Variants in NUP188 observed in about 807,000 individuals in gnomAD.
NUP188 encodes the protein nucleoporin 188.
NUP188 carries 97 observed loss-of-function variants against 223.0 expected under a neutral mutation model. That is an observed-to-expected ratio of 0.43 (90% CI 0.37 to 0.51). The LOEUF (loss-of-function observed/expected upper bound fraction) is 0.51. Among genes scored for constraint, NUP188 ranks in the 20% least tolerant of loss-of-function variants. The probability of loss-of-function intolerance (pLI) is 0.00; values close to 1 mark genes in which losing one functional copy is unlikely to be tolerated. For missense variants in NUP188, 1,947 were observed against 2,175.6 expected, an observed-to-expected ratio of 0.89 and a Z score of 2.09; for synonymous variants, 869 against 828.0, an observed-to-expected ratio of 1.05 and a Z score of -0.85.
rs368866832 is a variant in NUP188, at chr9:128,999,325, G to A, written c.3661+8G>A. 2.9e-5 allele frequency: 47 copies of A among 1,613,122 alleles called. No individual in the cohort carries two copies. Among genetic ancestry groups the A allele is most frequent in the Non-Finnish European group, 3.8e-5 (45 of 1,179,212 alleles). ...AAATGAAGGAGATGAAAGGTGAGGG[G>A]CAGAGGCAGGGGGAGCAGCAGCTGC... On this transcript the variant is annotated splice_region_variant and intron_variant, in intron 33 of 43. Transcript: ENST00000372577.
chr9:128,991,559 G>A (rs1013383032), intron 25 of NUP188, among the ~76,000 whole-genome samples: 1 of 150,190 alleles, frequency 6.7e-6, no homozygotes, highest in Non-Finnish European at 1.5e-5. Flanking sequence ...AAGGTATTTA[G>A]GGCTGGGCGT....
rs145517806 is a variant in NUP188 at position 128,966,603 on chromosome 9, G to A, written c.586-1903G>A. ...TCTGACCACCTTGGCCTCCCAAAGTGCTGGGATTACAGGTGTGAAGTACTA... is the reference window on the plus strand; with the variant it reads ...TCTGACCACCTTGGCCTCCCAAAGTACTGGGATTACAGGTGTGAAGTACTA... On this transcript the variant is annotated intron_variant, in intron 8 of 43. Transcript: ENST00000372577. Among the ~76,000 whole-genome samples, 40 of 152,130 alleles carry A rather than the reference G, an allele frequency of 2.6e-4. 3 individuals carry two copies. The East Asian group carries it at 7.7e-3, about 29-fold the overall frequency.
chr9:128,963,886 G>A (rs1468400377), intron 8 of NUP188, among the ~76,000 whole-genome samples: 1 of 151,176 alleles, frequency 6.6e-6, no homozygotes, highest in African/African-American at 2.4e-5. Flanking sequence ...GCACGATCTT[G>A]GCTCACTGCA....
At chr9:128,962,659 CA>C (rs977812657) in intron 8 of NUP188, among the ~76,000 whole-genome samples, 1 of 151,804 alleles carries the variant, frequency 6.6e-6, no homozygotes, top group African/African-American at 2.4e-5. Flanking sequence ...GACTCTGTCT[CA>C]AAAAAAATTC....
intron 14 of NUP188, 140 bp from the exon 15 acceptor site, chr9:128,981,124 G>T (rs1842247752): frequency 4.1e-6 from 4 of 965,634 alleles, no homozygotes; most frequent in East Asian, 2.4e-5. Flanking sequence ...ATTTGGCGAG[G>T]GGCGCAGAAG....
At chr9:128,964,369 T>C in intron 8 of NUP188, 1 of 261,308 alleles carries the variant, frequency 3.8e-6, no homozygotes, top group South Asian at 3.5e-5. Flanking sequence ...TAATTCTTTT[T>C]TTTTTTTTTT....
At chr9:128,966,162 T>TGTGTGTGC (rs1469565407) in intron 8 of NUP188, among the ~76,000 whole-genome samples, 8 of 146,886 alleles carry the variant, frequency 5.4e-5, no homozygotes, top group African/African-American at 2.1e-4. Flanking sequence ...TGTGTGTGTG[T>TGTGTGTGC]GTGTGTGCGT....
chr9:129,004,045 A>T, intron 38 of NUP188: 1 of 173,264 alleles, frequency 5.8e-6, no homozygotes, highest in South Asian at 1.3e-4. Context: ...TGGGAATTCA[A>T]GGCGGGAGGA....
Position 128,995,443 on chromosome 9 carries a change from T to C in NUP188, c.3280T>C (p.Cys1094Arg), listed in dbSNP as rs891801921. The C allele has an allele frequency of 6.2e-7, 1 of 1,613,826 alleles. No individual in the cohort carries two copies. Among genetic ancestry groups the C allele is most frequent in the East Asian group, 2.2e-5 (1 of 44,886 alleles). ...CGTGGCCGAAACAGAAGGCAGCAGC[T>C]GCACCTCCTTGTTAGAGTACCAGAT... ...VHVAETEGSS[C>R]TSLLEYQMLV... The change falls in exon 30 of 44, where the codon TGC becomes CGC. Residue 1094 changes from cysteine (C) to arginine (R), a missense_variant. Cys to Arg is a radical substitution (Grantham distance 180). Around this residue, in one of 3 missense-constraint regions of NUP188, gnomAD observed 905 missense variants for 990.6 expected, o/e 0.91. Transcript: ENST00000372577.
At chr9:128,986,749 C>G in intron 21 of NUP188, 60 bp from the exon 22 acceptor site, 2 of 1,613,014 alleles carry the variant, frequency 1.2e-6, no homozygotes, top group Admixed American at 1.7e-5. Context: ...CTTTCCCTTT[C>G]TTGAGATAAG....
chr9:128,977,006 C>T (rs1313249435), intron 12 of NUP188, among the ~76,000 whole-genome samples: 1 of 151,762 alleles, frequency 6.6e-6, no homozygotes, highest in East Asian at 1.9e-4. Flanking sequence ...CTGGGAGACA[C>T]AGGTTTCAGT....
At chr9:128,999,392 A>T (rs1238715737) in intron 33 of NUP188, 75 bp downstream of exon 33, 3 of 1,544,968 alleles carry the variant, frequency 1.9e-6, no homozygotes, top group Non-Finnish European at 2.6e-6. Flanking sequence ...GGCTTCCTTC[A>T]GCTTAGGGCC....
chr9:128,952,860 G>A lies in NUP188; in HGVS notation c.161+14G>A, dbSNP rs770064725. ...CAAACCTCCCAGGTATGGCAGTTCC[G>A]GGTGTCTGGTTAAAGTAATTGTCCT... is the stretch of plus-strand genomic sequence containing the variant. On this transcript the variant is annotated intron_variant, in intron 3 of 43. Transcript: ENST00000372577. 55 of 1,605,976 alleles carry A rather than the reference G, an allele frequency of 3.4e-5. No homozygotes were observed. Among genetic ancestry groups the A allele is most frequent in the African/African-American group, 8.0e-5 (6 of 74,702 alleles).
chr9:128,998,856 CTTTTTT>C (rs570377284), intron 32 of NUP188, among the ~76,000 whole-genome samples: 3 of 125,810 alleles, frequency 2.4e-5, no homozygotes, highest in Non-Finnish European at 5.0e-5. Context: ...ACCCCGTATT[CTTTTTT>C]TTTTTTTTTT....
At chr9:129,000,084 C>T (rs546471107) in intron 34 of NUP188, among the ~76,000 whole-genome samples, 1 of 152,294 alleles carries the variant, frequency 6.6e-6, no homozygotes, top group East Asian at 1.9e-4. Flanking sequence ...CGGGCAAATG[C>T]AGGATCCGAA....
chr9:128,973,490 C>T (rs571185127), intron 12 of NUP188, among the ~76,000 whole-genome samples: 1 of 152,256 alleles, frequency 6.6e-6, no homozygotes, highest in East Asian at 1.9e-4. Context: ...TCGAGCGATT[C>T]TCCTGTCTCA....
At chr9:128,969,611 C>G in intron 10 of NUP188, 97 bp downstream of exon 10, 1 of 670,628 alleles carries the variant, frequency 1.5e-6, no homozygotes, top group South Asian at 2.1e-5. Context: ...TGTTGTGGAA[C>G]TACATTGTTC....
chr9:129,006,086 G>C lies in NUP188; in HGVS notation c.4906G>C (p.Gly1636Arg). 6.2e-7 allele frequency: 1 copy of C among 1,614,170 alleles called. No individual in the cohort carries two copies. The highest frequency in any genetic ancestry group is 8.5e-7 in the Non-Finnish European group (1 of 1,180,042). Residue 1636 changes from glycine (G) to arginine (R), a missense_variant, in exon 42 of 44, where the codon GGG becomes CGG. Gly to Arg is a moderately radical substitution (Grantham distance 125). Transcript: ENST00000372577. ...AAAGGAGCCCCTCACCCAGGCAGTG[G>C]GGCTCAGCACACAGGCAGAAGGGAC... ...KKKEPLTQAV[G>R]LSTQAEGTRT...
intron 41 of NUP188, 59 bp from the exon 42 acceptor site, chr9:129,005,991 C>G: frequency 6.3e-7 from 1 of 1,576,272 alleles, no homozygotes; most frequent in Non-Finnish European, 8.7e-7. Flanking sequence ...AAGTAGGAAG[C>G]TCTCAGTAAG....
Sources: allele counts gnomAD v4.1 joint callset (sites outside exome capture counted in the v4.1 genomes callset), GRCh38; gene constraint gnomAD v4.1.1; regional missense constraint gnomAD v4.1.1; transcripts MANE v1.5; gene names NCBI Gene and HGNC (gene_info 2026-07-23, HGNC 2026-07-21).